The following ALG9 variants were observed in gnomAD, a reference collection of about 807,000 sequenced individuals.
The protein encoded by ALG9 is alpha-1,2-mannosyltransferase ALG9.
Under a neutral mutation model 81.8 loss-of-function variants are expected in ALG9, and 55 were observed. That is an observed-to-expected ratio of 0.67 (90% CI 0.54 to 0.84). The LOEUF (loss-of-function observed/expected upper bound fraction) is 0.84. Ranked by LOEUF, ALG9 falls within the 40% of genes least tolerant of loss-of-function variation. ALG9 has a pLI of 0.00. For missense variants in ALG9, 629 were observed against 745.0 expected, an observed-to-expected ratio of 0.84 and a Z score of 1.81; for synonymous variants, 278 against 274.3, an observed-to-expected ratio of 1.01 and a Z score of -0.13.
At chr11:111,836,345 A>G (rs782168420) in intron 12 of ALG9, 51 bp from the exon 13 acceptor site, 23 of 1,608,304 alleles carry the variant, frequency 1.4e-5, no homozygotes, top group South Asian at 6.6e-5. Flanking sequence ...TAATATTGCT[A>G]AATGTACTTG....
intron 13 of ALG9, among the ~76,000 whole-genome samples, chr11:111,820,790 T>C (rs1555102628): frequency 6.6e-6 from 1 of 152,192 alleles, no homozygotes; most frequent in Non-Finnish European, 1.5e-5. Flanking sequence ...CTATAAAAAA[T>C]ACAAATGTAG....
intron 3 of ALG9, 138 bp downstream of exon 3, chr11:111,868,464 A>C (rs1963207152): frequency 9.1e-7 from 1 of 1,096,404 alleles, no homozygotes; most frequent in Non-Finnish European, 1.3e-6. Context: ...TGCTTGTTGA[A>C]TGGTGAATTG....
chr11:111,811,737 G>T (rs897271809), intron 13 of ALG9, among the ~76,000 whole-genome samples: 2 of 152,062 alleles, frequency 1.3e-5, no homozygotes, highest in Non-Finnish European at 2.9e-5. Context: ...ACTGAAAAAG[G>T]CCAGGCACCA....
At chr11:111,839,392 T>C in intron 10 of ALG9, among the ~76,000 whole-genome samples, 1 of 152,094 alleles carries the variant, frequency 6.6e-6, no homozygotes, top group Non-Finnish European at 1.5e-5. Context: ...GAGACCATCC[T>C]GGCTAACACA....
chr11:111,853,523 T>G (rs1286240794), intron 7 of ALG9, 38 bp from the exon 8 acceptor site: 9 of 1,585,770 alleles, frequency 5.7e-6, no homozygotes, highest in Admixed American at 5.0e-5. Flanking sequence ...TCTAGAAACA[T>G]TCTCAAAATG....
At chr11:111,823,305 T>C (rs1460510914) in intron 13 of ALG9, among the ~76,000 whole-genome samples, 2 of 152,218 alleles carry the variant, frequency 1.3e-5, no homozygotes, top group Admixed American at 6.5e-5. Context: ...TTCCTCACAA[T>C]TGCAAATATA....
intron 14 of ALG9, among the ~76,000 whole-genome samples, chr11:111,788,130 C>G (rs1555066855): frequency 6.6e-6 from 1 of 152,210 alleles, no homozygotes; most frequent in Non-Finnish European, 1.5e-5. Context: ...TGAAGGTGCT[C>G]CACTGGCAGT....
At position 111,871,390 on chromosome 11, in the gene ALG9, C is replaced by T; in HGVS notation, c.93G>A (p.Leu31=). ...CCGCGCCGCCCGCCTCTCGGCTGCC[C>T]AGCAGCTCCCGCAGCTTGTCCGCAG... ...APAADKLREL[L]GSREAGGAEH... The change falls in exon 1 of 15, where the codon CTG becomes CTA. Residue 31 remains leucine (L), a synonymous_variant. Transcript: ENST00000616540. 6 of 1,534,378 alleles carry T rather than the reference C, an allele frequency of 3.9e-6. No individual in the cohort carries two copies. The highest frequency in any genetic ancestry group is 5.2e-6 in the Non-Finnish European group (6 of 1,146,148).
intron 14 of ALG9, among the ~76,000 whole-genome samples, chr11:111,803,314 CA>C (rs1555082046): frequency 6.6e-6 from 1 of 151,820 alleles, no homozygotes; most frequent in Non-Finnish European, 1.5e-5. Context: ...CCAGCCTGGC[CA>C]ACATTGTGAA....
chr11:111,870,572 TGA>T (rs1555157643), intron 1 of ALG9, among the ~76,000 whole-genome samples: 1 of 152,114 alleles, frequency 6.6e-6, no homozygotes, highest in Non-Finnish European at 1.5e-5. Flanking sequence ...AAAATTTTTA[TGA>T]GATAGGGTCT....
intron 4 of ALG9, chr11:111,864,119 C>T (rs922416407): frequency 4.2e-6 from 2 of 481,806 alleles, no homozygotes; most frequent in African/African-American, 2.0e-5. Flanking sequence ...CCACCTGTAC[C>T]CCAAAAACTA....
At chr11:111,787,488 G>A (rs1423209003) in intron 14 of ALG9, among the ~76,000 whole-genome samples, 1 of 152,024 alleles carries the variant, frequency 6.6e-6, no homozygotes, top group African/African-American at 2.4e-5. Flanking sequence ...ACGGAGTCTT[G>A]CTCTGTCACC....
Position 111,871,536 on chromosome 11 carries a change from G to A in ALG9, c.-54C>T. 6.5e-7 allele frequency: 1 copy of A among 1,534,582 alleles called. No homozygotes were observed. Among genetic ancestry groups the A allele is most frequent in the African/African-American group, 1.4e-5 (1 of 73,082 alleles). ...ACCCTATGAAGTCGGTGAGCGCGCAGACATAGCTTTGGCTGGCAAACGGTG... is the reference window on the plus strand; with the variant it reads ...ACCCTATGAAGTCGGTGAGCGCGCAAACATAGCTTTGGCTGGCAAACGGTG... On this transcript the variant is annotated 5_prime_UTR_variant, in exon 1 of 15. Coordinates refer to ENST00000616540, the MANE Select transcript of ALG9 (RefSeq NM_024740.2).
At position 111,833,989 on chromosome 11, in the gene ALG9, T is replaced by G. The variant is rs947915573; in HGVS notation, c.1602+2176A>C. Among the ~76,000 whole-genome samples, 6 of 152,220 alleles carry G rather than the reference T, an allele frequency of 3.9e-5. No individual in the cohort carries two copies. The East Asian group carries it at 9.6e-4, about 24-fold the overall frequency. On this transcript the variant is annotated intron_variant, in intron 13 of 14. Coordinates refer to ENST00000616540, the MANE Select transcript of ALG9 (RefSeq NM_024740.2). ...ATGACGATGAATATTCATTATCCAC[T>G]GAGAAAGCATGTAAAAGTGAACTAC...
intron 14 of ALG9, among the ~76,000 whole-genome samples, chr11:111,789,441 T>C (rs1947030899): frequency 1.3e-5 from 2 of 151,608 alleles, no homozygotes; most frequent in Admixed American, 1.3e-4. Flanking sequence ...GGTTTCATTA[T>C]GTTGTCCAGG....
chr11:111,833,616 C>T (rs1239082053), intron 13 of ALG9, among the ~76,000 whole-genome samples: 2 of 152,168 alleles, frequency 1.3e-5, no homozygotes, highest in East Asian at 1.9e-4. Context: ...AAACCTGCCA[C>T]CCAGAGCTAA....
chr11:111,847,332 C>T (rs568272117), intron 8 of ALG9, among the ~76,000 whole-genome samples: 4 of 152,204 alleles, frequency 2.6e-5, no homozygotes, highest in African/African-American at 4.8e-5. Flanking sequence ...AGGGCATTTG[C>T]GGGTATCGTC....
intron 14 of ALG9, among the ~76,000 whole-genome samples, chr11:111,793,424 T>C (rs190225460): frequency 6.6e-6 from 1 of 152,216 alleles, no homozygotes; most frequent in Non-Finnish European, 1.5e-5. Context: ...TATATTGTAT[T>C]GTTATTGAAA....
At chr11:111,788,613 C>T in intron 14 of ALG9, 1 of 377,342 alleles carries the variant, frequency 2.7e-6, no homozygotes, top group Non-Finnish European at 5.2e-6. Flanking sequence ...GGCAGGGTGG[C>T]ACACACCCGC....
Sources: gnomAD v4.1 joint callset for allele counts (sites outside exome capture counted in the v4.1 genomes callset) on GRCh38, gnomAD v4.1.1 for gene constraint, MANE v1.5 for transcripts, NCBI Gene and HGNC (gene_info 2026-07-23, HGNC 2026-07-21) for gene names.